The following ANAPC10 variants were observed in gnomAD, a reference collection of about 807,000 sequenced individuals.
ANAPC10 encodes the protein anaphase-promoting complex subunit 10.
ANAPC10 carries 12 observed loss-of-function variants against 22.0 expected under a neutral mutation model. The ratio of observed to expected loss-of-function variants is 0.55; its 90% CI spans 0.35 to 0.88. The LOEUF (loss-of-function observed/expected upper bound fraction) is 0.88. Among genes scored for constraint, ANAPC10 ranks in the 40% least tolerant of loss-of-function variants. ANAPC10 has a pLI of 0.01. For synonymous variants in ANAPC10, 65 were observed against 69.5 expected, an observed-to-expected ratio of 0.94 and a Z score of 0.32; for missense variants, 188 against 220.9, an observed-to-expected ratio of 0.85 and a Z score of 0.94.
chr4:144,995,708 A>G lies in ANAPC10; in HGVS notation c.328-105T>C, dbSNP rs1015049372. 6 of 781,922 alleles carry G rather than the reference A, an allele frequency of 7.7e-6. No homozygotes were observed. The African/African-American group carries it at 1.1e-4, about 14-fold the overall frequency. 48.4% of individuals were successfully genotyped at this position (781,922 alleles called of 1,614,324 possible). A position where few individuals can be genotyped will look rare whatever the true frequency, so the allele number is the denominator to read the frequency against. ...TAACTTATAATTAACATTTTGCTCAACGAAAGAATGACAATATGATAATAA... is the reference window on the plus strand; with the variant it reads ...TAACTTATAATTAACATTTTGCTCAGCGAAAGAATGACAATATGATAATAA... On this transcript the variant is annotated intron_variant, in intron 4 of 4. Coordinates refer to ENST00000507656, the MANE Select transcript of ANAPC10 (RefSeq NM_001256706.2).
At chr4:144,998,266 A>G (rs1003441318) in intron 4 of ANAPC10, among the ~76,000 whole-genome samples, 1 of 152,188 alleles carries the variant, frequency 6.6e-6, no homozygotes, top group Non-Finnish European at 1.5e-5. Context: ...ACCCCAAATC[A>G]ACAGAATATA....
intron 4 of ANAPC10, among the ~76,000 whole-genome samples, chr4:144,998,678 A>G (rs929528711): frequency 6.6e-5 from 10 of 152,222 alleles, no homozygotes; most frequent in African/African-American, 2.4e-4. Flanking sequence ...CAGATCTAAA[A>G]TTGACACAAT....
intron 2 of ANAPC10, 58 bp downstream of exon 2, chr4:145,095,927 T>C (rs1748437531): frequency 6.2e-7 from 1 of 1,611,832 alleles, no homozygotes; most frequent in Non-Finnish European, 8.5e-7. Context: ...GGGAGATGCC[T>C]GTACAAGGAA....
At chr4:145,015,527 T>G (rs1016831782) in intron 4 of ANAPC10, among the ~76,000 whole-genome samples, 2 of 152,020 alleles carry the variant, frequency 1.3e-5, no homozygotes, top group African/African-American at 4.8e-5. Context: ...GGGGGAATAA[T>G]CAAGGAAAAC....
At chr4:145,028,778 T>C (rs1265009374) in intron 4 of ANAPC10, among the ~76,000 whole-genome samples, 1 of 152,206 alleles carries the variant, frequency 6.6e-6, no homozygotes, top group Admixed American at 6.5e-5. Context: ...CTACACATAA[T>C]ACCTTTGACC....
Position 145,025,141 on chromosome 4 carries a change from A to C in ANAPC10, c.328-29538T>G, listed in dbSNP as rs868253093. Among the ~76,000 whole-genome samples, 6 of 152,306 alleles carry C rather than the reference A, an allele frequency of 3.9e-5. 1 individual carries two copies. The highest frequency in any genetic ancestry group is 7.2e-5 in the African/African-American group (3 of 41,586). On this transcript the variant is annotated intron_variant, in intron 4 of 4. Transcript: ENST00000507656. Reference sequence around the variant, plus strand: ...AAGAGTTAGGGTCTTACTGTGGATTAGGCTTTGACTTAAGGGAATGTTGTG... The same window carrying C: ...AAGAGTTAGGGTCTTACTGTGGATTCGGCTTTGACTTAAGGGAATGTTGTG...
intron 2 of ANAPC10, among the ~76,000 whole-genome samples, chr4:145,082,576 T>A (rs997502919): frequency 6.6e-6 from 1 of 152,240 alleles, no homozygotes; most frequent in Non-Finnish European, 1.5e-5. Context: ...TATGCCATGC[T>A]TACTGAGACA....
chr4:145,009,724 A>G (rs1171389814), intron 4 of ANAPC10, among the ~76,000 whole-genome samples: 1 of 152,206 alleles, frequency 6.6e-6, no homozygotes, highest in Non-Finnish European at 1.5e-5. Flanking sequence ...AAACCCTAGA[A>G]GAAAACCTAG....
chr4:145,010,715 C>A (rs1317038443), intron 4 of ANAPC10, among the ~76,000 whole-genome samples: 1 of 151,822 alleles, frequency 6.6e-6, no homozygotes, highest in Non-Finnish European at 1.5e-5. Flanking sequence ...AGGAGATATA[C>A]CTAATGTAAA....
At chr4:144,999,730 A>G (rs1250341870) in intron 4 of ANAPC10, among the ~76,000 whole-genome samples, 1 of 152,230 alleles carries the variant, frequency 6.6e-6, no homozygotes, top group Admixed American at 6.5e-5. Context: ...ACCAAAAAAG[A>G]GCCCGCATTG....
intron 4 of ANAPC10, among the ~76,000 whole-genome samples, chr4:145,036,803 T>G (rs1578990232): frequency 6.6e-6 from 1 of 152,168 alleles, no homozygotes; most frequent in East Asian, 1.9e-4. Flanking sequence ...ATACCAAGTC[T>G]AAACTACTTC....
At chr4:145,020,666 G>A (rs1735840810) in intron 4 of ANAPC10, among the ~76,000 whole-genome samples, 1 of 151,848 alleles carries the variant, frequency 6.6e-6, no homozygotes, top group African/African-American at 2.4e-5. Context: ...CAATATAATC[G>A]TTTACCTCAA....
At chr4:145,010,600 A>C (rs894568540) in intron 4 of ANAPC10, among the ~76,000 whole-genome samples, 1 of 152,064 alleles carries the variant, frequency 6.6e-6, no homozygotes, top group African/African-American at 2.4e-5. Flanking sequence ...ACATATTCTA[A>C]CTCATAGATG....
intron 4 of ANAPC10, among the ~76,000 whole-genome samples, chr4:145,007,397 T>A (rs1578881450): frequency 6.6e-6 from 1 of 151,828 alleles, no homozygotes; most frequent in South Asian, 2.1e-4. Flanking sequence ...AAGTAAAGCA[T>A]CCCTCAGCAA....
intron 4 of ANAPC10, among the ~76,000 whole-genome samples, chr4:145,020,585 A>C (rs1735828440): frequency 6.6e-6 from 1 of 152,192 alleles, no homozygotes; most frequent in Non-Finnish European, 1.5e-5. Context: ...ATCCAGAGCA[A>C]TCAAACAAGC....
chr4:145,017,497 T>C (rs1167446099), intron 4 of ANAPC10, among the ~76,000 whole-genome samples: 2 of 152,120 alleles, frequency 1.3e-5, no homozygotes, highest in East Asian at 1.9e-4. Context: ...TGTGGAGAAA[T>C]AGGAACACTT....
intron 4 of ANAPC10, among the ~76,000 whole-genome samples, chr4:145,004,435 T>C (rs1733036469): frequency 6.6e-6 from 1 of 152,214 alleles, no homozygotes; most frequent in Non-Finnish European, 1.5e-5. Context: ...TCAAGAGGAA[T>C]GCTTCCAGCT....
At chr4:145,081,223 A>C (rs1745967657) in intron 3 of ANAPC10, among the ~76,000 whole-genome samples, 2 of 151,664 alleles carry the variant, frequency 1.3e-5, no homozygotes, top group Admixed American at 1.3e-4. Flanking sequence ...TAAAGGTTCT[A>C]AGTAAAAAAA....
chr4:145,092,327 A>T (rs1471132335), intron 2 of ANAPC10, among the ~76,000 whole-genome samples: 1 of 152,070 alleles, frequency 6.6e-6, no homozygotes, highest in African/African-American at 2.4e-5. Flanking sequence ...TTAAACTTAA[A>T]ATTTAAATTA....
Sources: gnomAD v4.1 joint callset for allele counts (sites outside exome capture counted in the v4.1 genomes callset) on GRCh38, gnomAD v4.1.1 for gene constraint, MANE v1.5 for transcripts, NCBI Gene and HGNC (gene_info 2026-07-23, HGNC 2026-07-21) for gene names.